Variants in SCYL3 observed in about 807,000 individuals in gnomAD.
SCYL3 encodes SCY1 like pseudokinase 3, also known as protein-associating with the carboxyl-terminal domain of ezrin.
SCYL3 carries 35 observed loss-of-function variants against 73.8 expected under a neutral mutation model. That is an observed-to-expected ratio of 0.47 (90% CI 0.36 to 0.63). The LOEUF (loss-of-function observed/expected upper bound fraction) is 0.63, where lower values mean the gene tolerates loss of function less well. Ranked by LOEUF, SCYL3 falls within the 20% of genes least tolerant of loss-of-function variation. The pLI is 0.00. For missense variants in SCYL3, 712 were observed against 798.9 expected (o/e 0.89, Z 1.31); for synonymous variants, 277 against 295.2 (o/e 0.94, Z 0.63).
intron 11 of SCYL3, chr1:169,855,682 T>C (rs1358494647): frequency 1.1e-6 from 1 of 948,258 alleles, no homozygotes. Flanking sequence ...CAAAGCTGAC[T>C]ACATAATTAC....
intron 2 of SCYL3, among the ~76,000 whole-genome samples, chr1:169,880,524 T>C (rs772798440): frequency 2.1e-5 from 2 of 96,578 alleles, no homozygotes; most frequent in East Asian, 3.9e-4. Context: ...AAGAAAAAAC[T>C]ATCAGCTTGG....
chr1:169,879,037 T>A (rs1047184873), intron 2 of SCYL3, among the ~76,000 whole-genome samples: 2 of 152,228 alleles, frequency 1.3e-5, no homozygotes, highest in African/African-American at 4.8e-5. Flanking sequence ...TCTACAGAAA[T>A]TTCCAGTTCC....
At chr1:169,863,991 A>C (rs1008097312) in intron 9 of SCYL3, among the ~76,000 whole-genome samples, 1 of 150,964 alleles carries the variant, frequency 6.6e-6, no homozygotes, top group Non-Finnish European at 1.5e-5. Context: ...AAATGATCTC[A>C]GTGCTTTTCA....
chr1:169,885,483 T>C (rs1661616856), intron 2 of SCYL3, among the ~76,000 whole-genome samples: 1 of 152,202 alleles, frequency 6.6e-6, no homozygotes, highest in African/African-American at 2.4e-5. Context: ...TTTCACGCTG[T>C]TAAATATGTT....
chr1:169,864,290 GTAATCT>G, intron 9 of SCYL3, 73 bp downstream of exon 9: 1 of 1,563,540 alleles, frequency 6.4e-7, no homozygotes, highest in Non-Finnish European at 8.8e-7. Context: ...ACACCACACA[GTAATCT>G]CATCCTGCTC....
chr1:169,858,592 T>C (rs966700863), intron 11 of SCYL3, among the ~76,000 whole-genome samples: 3 of 152,230 alleles, frequency 2.0e-5, no homozygotes, highest in African/African-American at 7.2e-5. Flanking sequence ...CTGCACATAA[T>C]TGTATGCACT....
chr1:169,856,975 T>G (rs1053091928), intron 11 of SCYL3, among the ~76,000 whole-genome samples: 3 of 152,166 alleles, frequency 2.0e-5, no homozygotes, highest in African/African-American at 7.2e-5. Flanking sequence ...GAGAACTGGG[T>G]TAGAGATCCA....
intron 6 of SCYL3, chr1:169,869,249 G>C (rs926621058): frequency 7.3e-6 from 4 of 545,826 alleles, no homozygotes; most frequent in East Asian, 3.1e-5. Context: ...CCCCACCCCA[G>C]GTGCCATTCC....
intron 10 of SCYL3, among the ~76,000 whole-genome samples, chr1:169,860,703 C>T (rs1042841464): frequency 1.3e-5 from 2 of 152,172 alleles, no homozygotes; most frequent in East Asian, 3.8e-4. Flanking sequence ...AACAGCAATC[C>T]GCCCAAGCCA....
intron 12 of SCYL3, chr1:169,854,005 G>A: frequency 1.7e-6 from 1 of 598,372 alleles, no homozygotes. Flanking sequence ...AATCAGTGTG[G>A]ATGACACCAA....
At position 169,868,958 on chromosome 1, in the gene SCYL3, A is replaced by C. The variant is rs1422475071; in HGVS notation, c.707T>G (p.Leu236Arg). The change falls in exon 7 of 13, where the codon CTC becomes CGC. Residue 236 changes from leucine to arginine, a missense_variant. Leu to Arg is a moderately radical substitution (Grantham distance 102). Transcript: ENST00000367771. The stretch of plus-strand genomic sequence containing the variant: ...GAAGTCATGAGATAGTAAGGTGCAG[A>C]GCGCTGGCCGACATTTTGGAATGGG... ...LNPIPKCRPA[L>R]CTLLSHDFFR... 6.2e-7 allele frequency: 1 copy of C among 1,614,120 alleles called. No homozygotes were observed. The highest frequency in any genetic ancestry group is 1.1e-5 in the South Asian group (1 of 91,078).
At chr1:169,872,704 G>A (rs1660494540) in intron 5 of SCYL3, among the ~76,000 whole-genome samples, 1 of 152,196 alleles carries the variant, frequency 6.6e-6, no homozygotes, top group South Asian at 2.1e-4. Context: ...AAGACCATGG[G>A]AACCCACCGC....
At chr1:169,866,090 A>G (rs1294816874) in intron 8 of SCYL3, among the ~76,000 whole-genome samples, 3 of 152,218 alleles carry the variant, frequency 2.0e-5, no homozygotes, top group African/African-American at 4.8e-5. Context: ...ATCTCTATCT[A>G]AAGTCCAACA....
intron 11 of SCYL3, 134 bp downstream of exon 11, chr1:169,858,907 A>G (rs1363092659): frequency 5.0e-6 from 4 of 794,664 alleles, no homozygotes; most frequent in Non-Finnish European, 7.6e-6. Context: ...CGAGAAGTTC[A>G]GAAAGAGAAA....
Position 169,851,987 on chromosome 1 carries a change from C to CTTT in SCYL3, c.*1723_*1725dup, listed in dbSNP as rs1658407085. On this transcript the variant is annotated 3_prime_UTR_variant, in exon 13 of 13. Coordinates refer to ENST00000367771, the MANE Select transcript of SCYL3 (RefSeq NM_020423.7). ...AAACTTTAACAAGGCAAATTCTGCC[C>CTTT]TTTTTACTTACTGACGAAACAAACC... 6.2e-7 allele frequency: 1 copy of CTTT among 1,612,786 alleles called. No homozygotes were observed. Among genetic ancestry groups the CTTT allele is most frequent in the South Asian group, 1.1e-5 (1 of 90,928 alleles).
intron 2 of SCYL3, 91 bp from the exon 3 acceptor site, chr1:169,878,910 A>G (rs1241064098): frequency 1.7e-6 from 2 of 1,186,980 alleles, no homozygotes; most frequent in Non-Finnish European, 2.4e-6. Flanking sequence ...GAAAATGTAT[A>G]CTTGCAGTTA....
intron 2 of SCYL3, among the ~76,000 whole-genome samples, chr1:169,879,084 C>T (rs1415830666): frequency 6.6e-6 from 1 of 152,184 alleles, no homozygotes; most frequent in Non-Finnish European, 1.5e-5. Context: ...GCCCAGATCC[C>T]TCAACGATTA....
rs1405295585 is a variant in SCYL3, at chr1:169,851,766, G to C, written c.*1947C>G. Reference sequence around the variant, plus strand: ...AAATTATGTGGCCATTTCATATCTAGTAGAGTGCTAACATGTTGCTATTTG... The same window carrying C: ...AAATTATGTGGCCATTTCATATCTACTAGAGTGCTAACATGTTGCTATTTG... On this transcript the variant is annotated 3_prime_UTR_variant, in exon 13 of 13. Transcript: ENST00000367771. 6.3e-6 allele frequency: 10 copies of C among 1,590,812 alleles called. No homozygotes were observed. The highest frequency in any genetic ancestry group is 7.7e-6 in the Non-Finnish European group (9 of 1,168,784).
intron 7 of SCYL3, among the ~76,000 whole-genome samples, chr1:169,867,754 C>G (rs1434457810): frequency 6.6e-6 from 1 of 152,218 alleles, no homozygotes; most frequent in Non-Finnish European, 1.5e-5. Context: ...ACTGTTGTCT[C>G]TTAACTGGGG....
Sources: allele counts gnomAD v4.1 joint callset (sites outside exome capture counted in the v4.1 genomes callset), GRCh38; gene constraint gnomAD v4.1.1; transcripts MANE v1.5; gene names NCBI Gene and HGNC (gene_info 2026-07-23, HGNC 2026-07-21).